The following NF2 variants were observed in gnomAD, a reference collection of about 807,000 sequenced individuals.
NF2 encodes the protein merlin.
In NF2, 8 loss-of-function variants were observed where a neutral mutation model predicts 83.7. The observed-to-expected ratio is 0.10, with a 90% CI of 0.06 to 0.17. NF2 has a LOEUF of 0.17. Among genes scored for constraint, NF2 ranks in the 10% least tolerant of loss-of-function variants. The pLI is 1.00. For missense variants in NF2, 533 were observed against 744.4 expected (o/e 0.72, Z 3.31); for synonymous variants, 266 against 269.6 (o/e 0.99, Z 0.13).
chr22:29,673,092 T>G (rs2066852020), intron 11 of NF2, among the ~76,000 whole-genome samples, 177 bp from the exon 12 acceptor site: 1 of 152,232 alleles, frequency 6.6e-6, no homozygotes, highest in African/African-American at 2.4e-5. Flanking sequence ...CGAAGGGCCC[T>G]TCTGAAAAGT....
chr22:29,647,886 T>G (rs1408779648), intron 4 of NF2, among the ~76,000 whole-genome samples: 1 of 152,174 alleles, frequency 6.6e-6, no homozygotes, highest in African/African-American at 2.4e-5. Context: ...CAAATGAAGA[T>G]CCTTTTATGT....
At chr22:29,671,751 G>A (rs2066795197) in intron 10 of NF2, 75 bp from the exon 11 acceptor site, 1 of 1,604,626 alleles carries the variant, frequency 6.2e-7, no homozygotes, top group Non-Finnish European at 8.5e-7. Flanking sequence ...TGGAGATGGG[G>A]CATCTTTGGG....
chr22:29,683,242 A>T lies in NF2; in HGVS notation c.1737+1641A>T. On this transcript the variant is annotated intron_variant, in intron 15 of 15. Transcript: ENST00000338641. The stretch of plus-strand genomic sequence containing the variant: ...CTAAAAGTAGGCACCCACCCTGTGA[A>T]GCCAGACCAGCCTCCAGGGCCCCAG... The T allele has an allele frequency of 2.0e-6, 3 of 1,533,078 alleles. No homozygotes were observed. The South Asian group carries it at 3.7e-5, about 19-fold the overall frequency. The allele number at this position is 1,533,078 out of a possible 1,614,324, so 95.0% of individuals were successfully genotyped here.
chr22:29,687,435 A>G (rs2067297079), intron 15 of NF2, among the ~76,000 whole-genome samples: 2 of 152,192 alleles, frequency 1.3e-5, no homozygotes, highest in African/African-American at 4.8e-5. Flanking sequence ...GAGCCAGTGA[A>G]GTGAAGTAGA....
rs964783984 is a variant in NF2, at chr22:29,671,816, C to T, written c.1000-10C>T. ...GTGATTCAATGACTGTTTTTCTTCA[C>T]CCCTCGCAGATGGAGCGGCAGCGCC... is the stretch of plus-strand genomic sequence containing the variant. On this transcript the variant is annotated splice_polypyrimidine_tract_variant and intron_variant, in intron 10 of 15. Coordinates refer to ENST00000338641, the MANE Select transcript of NF2 (RefSeq NM_000268.4). 1.9e-6 allele frequency: 3 copies of T among 1,613,846 alleles called. No individual in the cohort carries two copies. Among genetic ancestry groups the T allele is most frequent in the Non-Finnish European group, 2.5e-6 (3 of 1,180,002 alleles).
intron 4 of NF2, among the ~76,000 whole-genome samples, chr22:29,653,710 G>A (rs928478242): frequency 3.9e-5 from 6 of 152,164 alleles, no homozygotes; most frequent in Admixed American, 3.3e-4. Flanking sequence ...GAGAATGAGA[G>A]AACATAACGA....
intron 1 of NF2, among the ~76,000 whole-genome samples, chr22:29,613,306 G>C (rs1030268624): frequency 1.3e-5 from 2 of 152,150 alleles, no homozygotes; most frequent in Admixed American, 6.5e-5. Flanking sequence ...AAGGCAGGCA[G>C]ATCACTTGAG....
At chr22:29,613,245 C>T (rs986817359) in intron 1 of NF2, among the ~76,000 whole-genome samples, 4 of 151,198 alleles carry the variant, frequency 2.6e-5, no homozygotes, top group South Asian at 2.1e-4. Flanking sequence ...ATCAAGACAA[C>T]GTCACCAGGC....
At chr22:29,641,184 CCT>C (rs1491440929) in intron 3 of NF2, among the ~76,000 whole-genome samples, 24 of 152,006 alleles carry the variant, frequency 1.6e-4, no homozygotes, top group Non-Finnish European at 1.9e-4. Flanking sequence ...CTTTTTCCCC[CCT>C]CTCTTTGGAA....
chr22:29,652,788 G>C (rs1236004387), intron 4 of NF2, among the ~76,000 whole-genome samples: 1 of 152,186 alleles, frequency 6.6e-6, no homozygotes, highest in Non-Finnish European at 1.5e-5. Context: ...TCCAGAGCCA[G>C]GCTCCTACCC....
At chr22:29,668,123 C>T (rs1260579183) in intron 9 of NF2, among the ~76,000 whole-genome samples, 2 of 152,156 alleles carry the variant, frequency 1.3e-5, no homozygotes, top group East Asian at 3.9e-4. Flanking sequence ...ATTTTTACCT[C>T]CTGGCATATC....
chr22:29,665,384 C>T (rs1272576517), intron 9 of NF2, among the ~76,000 whole-genome samples: 2 of 152,044 alleles, frequency 1.3e-5, no homozygotes, highest in African/African-American at 2.4e-5. Flanking sequence ...GCTGGGATTA[C>T]AGGCATGAGA....
intron 1 of NF2, among the ~76,000 whole-genome samples, chr22:29,618,790 T>C (rs2065137970): frequency 6.6e-6 from 1 of 152,230 alleles, no homozygotes; most frequent in Non-Finnish European, 1.5e-5. Context: ...TTGTATTAAA[T>C]ACCAACATTG....
chr22:29,624,368 T>C (rs2146780736), intron 1 of NF2, among the ~76,000 whole-genome samples: 1 of 152,202 alleles, frequency 6.6e-6, no homozygotes, highest in Admixed American at 6.5e-5. Context: ...CCACCACGCC[T>C]AGCTAATTTT....
At chr22:29,669,707 C>T (rs991009388) in intron 10 of NF2, among the ~76,000 whole-genome samples, 1 of 152,164 alleles carries the variant, frequency 6.6e-6, no homozygotes, top group African/African-American at 2.4e-5. Context: ...GCTTACAGCA[C>T]AGCAGAGCCA....
At position 29,642,264 on chromosome 22, in the gene NF2, T is replaced by G. The variant is rs747813808; in HGVS notation, c.426T>G (p.Ala142=). Residue 142 remains alanine, a synonymous_variant, in exon 4 of 16, where the codon GCT becomes GCG. Transcript: ENST00000338641. ...YCPPEASVLL[A]SYAVQAKYGD... ...CTCCTGAGGCTTCTGTGCTCCTGGC[T>G]TCTTACGCCGTCCAGGCCAAGGTAG... 1 of 1,614,144 alleles carries G rather than the reference T, an allele frequency of 6.2e-7. No individual in the cohort carries two copies. Among genetic ancestry groups the G allele is most frequent in the Non-Finnish European group, 8.5e-7 (1 of 1,179,954 alleles).
At position 29,696,531 on chromosome 22, in the gene NF2, T is replaced by G. The variant is rs1021823017; in HGVS notation, c.*1729T>G. On this transcript the variant is annotated 3_prime_UTR_variant, in exon 16 of 16. Coordinates refer to ENST00000338641, the MANE Select transcript of NF2 (RefSeq NM_000268.4). The stretch of plus-strand genomic sequence containing the variant: ...CAATTCCATCTGGTTTTGAGAAACT[T>G]AGCAGCTCACAGAGCACAGAGATCC... The G allele has an allele frequency of 9.2e-6, 2 of 217,690 alleles. No individual in the cohort carries two copies. The highest frequency in any genetic ancestry group is 4.5e-5 in the African/African-American group (2 of 44,422). 13.5% of individuals were successfully genotyped at this position (217,690 alleles called of 1,614,324 possible).
chr22:29,604,602 G>A (rs2064736965), intron 1 of NF2, among the ~76,000 whole-genome samples: 1 of 152,066 alleles, frequency 6.6e-6, no homozygotes, highest in South Asian at 2.1e-4. Context: ...GCTATCAATT[G>A]TTCAGTATTT....
chr22:29,630,784 A>G (rs2065488242), intron 1 of NF2, among the ~76,000 whole-genome samples: 1 of 152,206 alleles, frequency 6.6e-6, no homozygotes, highest in African/African-American at 2.4e-5. Context: ...CAGTTTGAAC[A>G]CTTTGGCTGC....
Sources: gnomAD v4.1 joint callset for allele counts (sites outside exome capture counted in the v4.1 genomes callset) on GRCh38, gnomAD v4.1.1 for gene constraint, MANE v1.5 for transcripts, NCBI Gene and HGNC (gene_info 2026-07-23, HGNC 2026-07-21) for gene names.